Variants in GOLM1 observed in about 807,000 individuals in gnomAD.
GOLM1 encodes the protein golgi membrane protein 1, also known as epididymis luminal protein 46.
A neutral mutation model predicts 50.5 loss-of-function variants in GOLM1; 31 were observed. The observed-to-expected ratio is 0.61, with a 90% CI of 0.46 to 0.83. The LOEUF (loss-of-function observed/expected upper bound fraction) is 0.83. Ranked by LOEUF, GOLM1 falls within the 40% of genes least tolerant of loss-of-function variation. GOLM1 has a pLI of 0.00. For missense variants in GOLM1, 491 were observed against 501.3 expected, an observed-to-expected ratio of 0.98 and a Z score of 0.20; for synonymous variants, 178 against 192.8, an observed-to-expected ratio of 0.92 and a Z score of 0.64.
At chr9:86,040,205 A>G (rs1833291911) in intron 6 of GOLM1, among the ~76,000 whole-genome samples, 1 of 152,156 alleles carries the variant, frequency 6.6e-6, no homozygotes, top group Non-Finnish European at 1.5e-5. Flanking sequence ...AGAACCCATG[A>G]ATTGTAAATT....
chr9:86,054,414 G>T (rs566012325), intron 3 of GOLM1, among the ~76,000 whole-genome samples: 2 of 152,028 alleles, frequency 1.3e-5, no homozygotes, highest in Admixed American at 6.6e-5. Flanking sequence ...AGTAGAGATG[G>T]GGTTTCACCA....
At chr9:86,084,389 T>A (rs1245207636) in intron 1 of GOLM1, among the ~76,000 whole-genome samples, 1 of 152,144 alleles carries the variant, frequency 6.6e-6, no homozygotes, top group Non-Finnish European at 1.5e-5. Context: ...CGACATCACA[T>A]ACCCCCTGAT....
intron 3 of GOLM1, among the ~76,000 whole-genome samples, chr9:86,055,789 A>AG (rs1478990761): frequency 6.6e-6 from 1 of 152,106 alleles, no homozygotes; most frequent in Non-Finnish European, 1.5e-5. Context: ...GGGATAGGAG[A>AG]GGGGGGAGGG....
intron 1 of GOLM1, among the ~76,000 whole-genome samples, chr9:86,083,615 C>T (rs572388752): frequency 6.6e-6 from 1 of 152,272 alleles, no homozygotes; most frequent in Admixed American, 6.5e-5. Context: ...CTCGAATTCT[C>T]GGCCTCAAGT....
chr9:86,028,125 C>G (rs72746679), intron 9 of GOLM1, among the ~76,000 whole-genome samples: 2,359 of 152,118 alleles, frequency 0.016, 39 homozygotes, highest in Non-Finnish European at 0.022. Flanking sequence ...GGCAAGGGCT[C>G]CACCCTCAGG....
chr9:86,078,288 T>C (rs1033943593), intron 2 of GOLM1, among the ~76,000 whole-genome samples: 3 of 152,160 alleles, frequency 2.0e-5, no homozygotes, highest in Non-Finnish European at 4.4e-5. Context: ...TTCATTAAAA[T>C]GGTAAGAAAG....
chr9:86,079,410 C>T (rs1259609615), intron 1 of GOLM1, 69 bp from the exon 2 acceptor site: 1 of 1,275,036 alleles, frequency 7.8e-7, no homozygotes, highest in Non-Finnish European at 1.1e-6. Context: ...ACCGTATCAT[C>T]CTTACAACCA....
intron 3 of GOLM1, among the ~76,000 whole-genome samples, chr9:86,072,941 T>C (rs1261139639): frequency 1.3e-5 from 2 of 152,136 alleles, no homozygotes; most frequent in African/African-American, 4.8e-5. Context: ...AAAGATACAG[T>C]AAAAGTAGTA....
At chr9:86,064,655 G>GAACTCAAGTCCAAACTCCTTCA (rs1426110937) in intron 3 of GOLM1, among the ~76,000 whole-genome samples, 6 of 152,224 alleles carry the variant, frequency 3.9e-5, no homozygotes, top group Non-Finnish European at 8.8e-5. Context: ...CCCCGGTCTT[G>GAACTCAAGTCCAAACTCCTTCA]AACTCAAGTC....
intron 4 of GOLM1, among the ~76,000 whole-genome samples, chr9:86,047,962 T>A (rs550997841): frequency 1.3e-5 from 2 of 152,118 alleles, no homozygotes; most frequent in Non-Finnish European, 1.5e-5. Context: ...ATGTGCCATG[T>A]TGGTGTGCTG....
At chr9:86,058,981 G>A (rs1470836155) in intron 3 of GOLM1, among the ~76,000 whole-genome samples, 1 of 152,142 alleles carries the variant, frequency 6.6e-6, no homozygotes, top group East Asian at 1.9e-4. Flanking sequence ...CTGGGTGATA[G>A]AGTGAGACTC....
chr9:86,083,377 C>G (rs1375643161), intron 1 of GOLM1, among the ~76,000 whole-genome samples: 1 of 152,110 alleles, frequency 6.6e-6, no homozygotes, highest in Admixed American at 6.6e-5. Context: ...CACAGTAGGC[C>G]TAACTAATTT....
In GOLM1 at chr9:86,034,978, CTTCA is replaced by C. The variant is rs764561258; in HGVS notation, c.1015+386_1015+389del. ...CTACCCAATATTCCTTCCTTCCTTC[CTTCA>C]TTCATTCACTAGGCACTGATTGTCT... On this transcript the variant is annotated intron_variant, in intron 8 of 9. Transcript: ENST00000388712. 7.2e-6 allele frequency: 7 copies of C among 972,024 alleles called. No homozygotes were observed. The African/African-American group carries it at 8.8e-5, about 12-fold the overall frequency. 60.2% of individuals were successfully genotyped at this position (972,024 alleles called of 1,614,324 possible).
intron 1 of GOLM1, 34 bp downstream of exon 1, chr9:86,099,374 GGTT>G (rs1243256974): frequency 6.6e-6 from 1 of 151,568 alleles, no homozygotes; most frequent in African/African-American, 2.4e-5. Context: ...GATGGACCGC[GGTT>G]CGGGCAGCCT....
At chr9:86,066,753 G>A (rs1209365555) in intron 3 of GOLM1, among the ~76,000 whole-genome samples, 1 of 152,040 alleles carries the variant, frequency 6.6e-6, no homozygotes, top group Admixed American at 6.6e-5. Flanking sequence ...ATAGCAGGAA[G>A]ATGTGCCTTT....
intron 5 of GOLM1, among the ~76,000 whole-genome samples, chr9:86,042,922 G>A (rs1833406685): frequency 6.6e-6 from 1 of 152,168 alleles, no homozygotes; most frequent in African/African-American, 2.4e-5. Context: ...ACTTAGGTTG[G>A]CTTTTTCTTA....
chr9:86,046,722 A>T lies in GOLM1; in HGVS notation c.365-150T>A. On this transcript the variant is annotated intron_variant, in intron 4 of 9. Transcript: ENST00000388712. The stretch of plus-strand genomic sequence containing the variant: ...AGGGGAGAGAGAAAAAGCTGAAAAC[A>T]CAGTCCCTCCCCAGAGTCACTAAAC... 4.6e-6 allele frequency: 3 copies of T among 646,888 alleles called. No individual in the cohort carries two copies. The South Asian group carries it at 5.3e-5, about 11-fold the overall frequency. 40.1% of individuals were successfully genotyped at this position (646,888 alleles called of 1,614,324 possible). A position where few individuals can be genotyped will look rare whatever the true frequency, so the allele number is the denominator to read the frequency against.
intron 3 of GOLM1, among the ~76,000 whole-genome samples, chr9:86,061,631 C>T (rs1362655712): frequency 1.3e-5 from 2 of 152,166 alleles, no homozygotes; most frequent in African/African-American, 2.4e-5. Flanking sequence ...TTGGACGCTT[C>T]GTTTAACTTC....
At chr9:86,072,903 G>A (rs1018946078) in intron 3 of GOLM1, among the ~76,000 whole-genome samples, 1 of 152,096 alleles carries the variant, frequency 6.6e-6, no homozygotes, top group Non-Finnish European at 1.5e-5. Context: ...GTAACACAGT[G>A]GTAAGTATTT....
Sources: gnomAD v4.1 joint callset for allele counts (sites outside exome capture counted in the v4.1 genomes callset) on GRCh38, gnomAD v4.1.1 for gene constraint, MANE v1.5 for transcripts, NCBI Gene and HGNC (gene_info 2026-07-23, HGNC 2026-07-21) for gene names.